Variants in PARN observed in about 807,000 individuals in gnomAD.
PARN encodes poly(A)-specific ribonuclease.
A neutral mutation model predicts 102.8 loss-of-function variants in PARN; 71 were observed. That is an observed-to-expected ratio of 0.69 (90% CI 0.57 to 0.84). The LOEUF (loss-of-function observed/expected upper bound fraction) is 0.84. PARN is among the 40% of genes least tolerant of loss of function. PARN has a pLI of 0.00. For missense variants in PARN, 782 were observed against 760.9 expected, an observed-to-expected ratio of 1.03 and a Z score of -0.33; for synonymous variants, 261 against 252.9, an observed-to-expected ratio of 1.03 and a Z score of -0.30.
intron 21 of PARN, among the ~76,000 whole-genome samples, chr16:14,529,938 T>C (rs1224475238): frequency 1.3e-5 from 2 of 152,048 alleles, no homozygotes; most frequent in South Asian, 4.2e-4. Flanking sequence ...TCATGACAGC[T>C]GCAAGAGGCC....
chr16:14,445,477 C>T (rs1190996828), intron 23 of PARN, among the ~76,000 whole-genome samples: 2 of 152,122 alleles, frequency 1.3e-5, no homozygotes, highest in Admixed American at 1.3e-4. Context: ...ACAACTGTCA[C>T]GATGTGAGAC....
At chr16:14,584,560 C>T (rs997870839) in intron 15 of PARN, 138 bp from the exon 16 acceptor site, 28 of 795,396 alleles carry the variant, frequency 3.5e-5, no homozygotes, top group Non-Finnish European at 5.0e-5. Context: ...CAGAAGTCTT[C>T]GTTTTTTTCA....
Position 14,494,546 on chromosome 16 carries a change from T to G in PARN, c.1481-11719A>C, listed in dbSNP as rs566134460. On this transcript the variant is annotated intron_variant, in intron 21 of 23. Transcript: ENST00000437198. ...AACTGTGATCCAGGCAGAAGGAATA[T>G]GATGAGGTGACTCATCTGAGAGAGG... Among the ~76,000 whole-genome samples the G allele has an allele frequency of 5.9e-5, 9 of 152,278 alleles. No homozygotes were observed. In the South Asian group the frequency reaches 1.4e-3, roughly 25 times the overall value.
intron 13 of PARN, among the ~76,000 whole-genome samples, chr16:14,589,107 T>C (rs776326766): frequency 1.6e-4 from 23 of 142,908 alleles, no homozygotes; most frequent in Non-Finnish European, 3.1e-4. Flanking sequence ...TTGGATCCGG[T>C]AGGCAGAGGT....
intron 22 of PARN, among the ~76,000 whole-genome samples, chr16:14,474,858 G>A (rs1285092233): frequency 6.6e-6 from 1 of 152,202 alleles, no homozygotes; most frequent in Non-Finnish European, 1.5e-5. Context: ...TAAGCACTTT[G>A]ACAAGGCAAT....
intron 22 of PARN, among the ~76,000 whole-genome samples, chr16:14,449,682 T>TA (rs988344183): frequency 6.6e-6 from 1 of 151,856 alleles, no homozygotes; most frequent in African/African-American, 2.4e-5. Flanking sequence ...TATAGAAAAC[T>TA]AAAAAAGGTA....
intron 9 of PARN, 33 bp downstream of exon 9, chr16:14,608,248 C>T (rs1175733943): frequency 6.8e-7 from 1 of 1,464,922 alleles, no homozygotes; most frequent in Non-Finnish European, 9.3e-7. Flanking sequence ...CTGGGTCCCC[C>T]ACAGAGCTGC....
At chr16:14,563,477 TG>T (rs1968212121) in intron 18 of PARN, among the ~76,000 whole-genome samples, 1 of 1,050 alleles carries the variant, frequency 9.5e-4, no homozygotes, top group Non-Finnish European at 1.8e-3. Flanking sequence ...AAAATTCCTT[TG>T]TGTGTGTGTG....
chr16:14,577,327 A>G (rs962336583), intron 18 of PARN, among the ~76,000 whole-genome samples: 1 of 152,204 alleles, frequency 6.6e-6, no homozygotes, highest in Non-Finnish European at 1.5e-5. Flanking sequence ...ATCCTAAATC[A>G]CCTGCAAGTA....
At chr16:14,609,902 G>A (rs1971420766) in intron 7 of PARN, among the ~76,000 whole-genome samples, 1 of 152,212 alleles carries the variant, frequency 6.6e-6, no homozygotes, top group African/African-American at 2.4e-5. Flanking sequence ...TTAGAAGTCA[G>A]CTGATTAGCA....
At position 14,482,892 on chromosome 16, in the gene PARN, T is replaced by C. The variant is rs935215522; in HGVS notation, c.1481-65A>G. The C allele has an allele frequency of 2.9e-6, 4 of 1,388,444 alleles. No homozygotes were observed. In the African/African-American group the frequency reaches 5.8e-5, roughly 20 times the overall value. 86.0% of individuals were successfully genotyped at this position (1,388,444 alleles called of 1,614,324 possible). On this transcript the variant is annotated intron_variant, in intron 21 of 23. Coordinates refer to ENST00000437198, the MANE Select transcript of PARN (RefSeq NM_002582.4). ...TCTGGCCTAGCCCCAAAGATGACAC[T>C]TTTGAAATGTGGCCTAAGGTGGTCA...
intron 6 of PARN, among the ~76,000 whole-genome samples, chr16:14,612,790 T>C (rs1971597951): frequency 6.6e-6 from 1 of 151,492 alleles, no homozygotes; most frequent in Non-Finnish European, 1.5e-5. Flanking sequence ...AGAGACAAGG[T>C]TTCAACATGT....
At chr16:14,492,022 G>A (rs190822504) in intron 21 of PARN, among the ~76,000 whole-genome samples, 2 of 152,326 alleles carry the variant, frequency 1.3e-5, no homozygotes, top group East Asian at 1.9e-4. Flanking sequence ...ACAGGCCACC[G>A]TCACTGATAG....
intron 12 of PARN, among the ~76,000 whole-genome samples, chr16:14,593,952 G>A (rs573083209): frequency 6.6e-6 from 1 of 151,584 alleles, no homozygotes; most frequent in Non-Finnish European, 1.5e-5. Context: ...AGCCAAGATT[G>A]CACCACTGCA....
intron 22 of PARN, among the ~76,000 whole-genome samples, chr16:14,457,663 T>C (rs2151568811): frequency 6.6e-6 from 1 of 151,784 alleles, no homozygotes; most frequent in South Asian, 2.1e-4. Flanking sequence ...CCGGGCATCA[T>C]GGTGTATGCC....
intron 5 of PARN, among the ~76,000 whole-genome samples, chr16:14,622,523 G>C (rs1013951557): frequency 2.0e-5 from 3 of 152,180 alleles, no homozygotes; most frequent in Non-Finnish European, 4.4e-5. Context: ...ATATATATTT[G>C]AGACGGAGTC....
At chr16:14,516,790 T>C (rs1965481805) in intron 21 of PARN, among the ~76,000 whole-genome samples, 1 of 152,178 alleles carries the variant, frequency 6.6e-6, no homozygotes, top group South Asian at 2.1e-4. Context: ...AAATGTACAC[T>C]TACCTGTAAA....
chr16:14,545,993 A>G (rs1966911145), intron 21 of PARN, among the ~76,000 whole-genome samples: 1 of 152,228 alleles, frequency 6.6e-6, no homozygotes, highest in African/African-American at 2.4e-5. Context: ...AAAATAGACA[A>G]TATCAAACAA....
chr16:14,624,612 T>C (rs1025966046), intron 5 of PARN, among the ~76,000 whole-genome samples: 1 of 152,226 alleles, frequency 6.6e-6, no homozygotes, highest in Admixed American at 6.5e-5. Context: ...AGTTTTGTCT[T>C]GGTTGTTTAG....
Sources: allele counts gnomAD v4.1 joint callset (sites outside exome capture counted in the v4.1 genomes callset), GRCh38; gene constraint gnomAD v4.1.1; transcripts MANE v1.5; gene names NCBI Gene and HGNC (gene_info 2026-07-23, HGNC 2026-07-21).